The following IQGAP3 variants were observed in gnomAD, a reference collection of about 807,000 sequenced individuals.
IQGAP3 encodes the protein IQ motif containing GTPase activating protein 3, also known as ras GTPase-activating-like protein IQGAP3.
A neutral mutation model predicts 208.2 loss-of-function variants in IQGAP3; 165 were observed. That is an observed-to-expected ratio of 0.79 (90% CI 0.70 to 0.90). The LOEUF is 0.90. IQGAP3 is among the 40% of genes least tolerant of loss of function. The pLI is 0.00. For synonymous variants in IQGAP3, 703 were observed against 803.6 expected (o/e 0.87, Z 2.12); for missense variants, 1,811 against 2,043.1 (o/e 0.89, Z 2.19).
intron 1 of IQGAP3, among the ~76,000 whole-genome samples, chr1:156,569,767 C>G (rs1230966380): frequency 1.3e-5 from 2 of 152,100 alleles, no homozygotes; most frequent in Non-Finnish European, 2.9e-5. Flanking sequence ...GATCCGCCCG[C>G]CTTGGCCTCC....
chr1:156,533,557 T>C (rs1674526593), intron 31 of IQGAP3, among the ~76,000 whole-genome samples: 1 of 152,172 alleles, frequency 6.6e-6, no homozygotes, highest in Admixed American at 6.5e-5. Context: ...ATTGACCGTT[T>C]TCCATGATGA....
chr1:156,541,517 G>C lies in IQGAP3; in HGVS notation c.2531-601C>G, dbSNP rs561213253. ...AAGAAGCCTCTGAGCTAATTTATTG[G>C]AAATAACAACAAAACAACTAATACA... On this transcript the variant is annotated intron_variant, in intron 22 of 37. Coordinates refer to ENST00000361170, the MANE Select transcript of IQGAP3 (RefSeq NM_178229.5). Among the ~76,000 whole-genome samples, 4 of 152,244 alleles carry C rather than the reference G, an allele frequency of 2.6e-5. No homozygotes were observed. In the South Asian group the frequency reaches 8.3e-4, roughly 32 times the overall value.
chr1:156,565,738 G>A (rs1676372388), intron 4 of IQGAP3, among the ~76,000 whole-genome samples: 1 of 152,162 alleles, frequency 6.6e-6, no homozygotes, highest in Non-Finnish European at 1.5e-5. Flanking sequence ...TGGAGACAAG[G>A]CTGGCCAATA....
intron 27 of IQGAP3, among the ~76,000 whole-genome samples, chr1:156,535,499 A>G (rs1244233067): frequency 6.6e-6 from 1 of 151,000 alleles, no homozygotes; most frequent in Non-Finnish European, 1.5e-5. Flanking sequence ...TAAATCTCTC[A>G]CACAGCCTCC....
intron 1 of IQGAP3, 142 bp downstream of exon 1, chr1:156,572,351 G>T (rs1676683109): frequency 2.2e-6 from 2 of 896,586 alleles, no homozygotes; most frequent in African/African-American, 3.3e-5. Context: ...CCGGGCTGAG[G>T]ATTCCCGTCC....
rs765599451 is a variant in IQGAP3, at chr1:156,533,904, C to T, written c.3874-29G>A. The T allele has an allele frequency of 1.6e-5, 25 of 1,603,660 alleles. No homozygotes were observed. In the South Asian group the frequency reaches 2.8e-4, roughly 18 times the overall value. On this transcript the variant is annotated intron_variant, in intron 30 of 37. Transcript: ENST00000361170. ...CAGGACGGAGAAAGAAAAGGAGATGCAGGGTCTGAGCCAGGTCTTCCCTCT... is the reference window on the plus strand; with the variant it reads ...CAGGACGGAGAAAGAAAAGGAGATGTAGGGTCTGAGCCAGGTCTTCCCTCT...
chr1:156,548,375 G>A lies in IQGAP3; in HGVS notation c.2106C>T (p.Thr702=). Reference sequence around the variant, plus strand: ...GGATCTCCTCCCGGGTCAGGTGAGAGGTGTTGAGGGGGCAGCCAGGAGGTT... The same window carrying A: ...GGATCTCCTCCCGGGTCAGGTGAGAAGTGTTGAGGGGGCAGCCAGGAGGTT... ...WEQPPGCPLN[T]SHLTREEIQS... is the part of the protein sequence containing the mutation. Residue 702 remains threonine (T), a synonymous_variant, in exon 18 of 38, where the codon ACC becomes ACT. Transcript: ENST00000361170. 1.2e-6 allele frequency: 2 copies of A among 1,613,988 alleles called. No homozygotes were observed. Among genetic ancestry groups the A allele is most frequent in the Non-Finnish European group, 1.7e-6 (2 of 1,180,008 alleles).
chr1:156,533,287 C>T lies in IQGAP3; in HGVS notation c.3977-181G>A, dbSNP rs571228212. On this transcript the variant is annotated intron_variant, in intron 31 of 37. Coordinates refer to ENST00000361170, the MANE Select transcript of IQGAP3 (RefSeq NM_178229.5). ...ACCCTGTGTCCCCAACCCTTAGCAC[C>T]GATGGAAGGGCTGTTACCCACAGAG... Among the ~76,000 whole-genome samples the T allele has an allele frequency of 5.9e-5, 9 of 152,230 alleles. No homozygotes were observed. The South Asian group carries it at 1.2e-3, about 21-fold the overall frequency.
intron 34 of IQGAP3, 44 bp downstream of exon 34, chr1:156,530,061 C>T (rs1359428643): frequency 1.8e-5 from 26 of 1,458,414 alleles, no homozygotes; most frequent in African/African-American, 4.2e-5. Flanking sequence ...CGCACACACA[C>T]ACACGTACAC....
At position 156,566,570 on chromosome 1, in the gene IQGAP3, C is replaced by T. The variant is rs775551856; in HGVS notation, c.126-24G>A. 39 of 1,611,836 alleles carry T rather than the reference C, an allele frequency of 2.4e-5. No homozygotes were observed. The Admixed American group carries it at 4.2e-4, about 17-fold the overall frequency. ...AGCTATGAACATGAGAACACCTTCT[C>T]ACGCACTCTGGCAGACCACAGTGAT... On this transcript the variant is annotated intron_variant, in intron 2 of 37. Coordinates refer to ENST00000361170, the MANE Select transcript of IQGAP3 (RefSeq NM_178229.5).
rs1674941697 is a variant in IQGAP3 at position 156,540,807 on chromosome 1, C to T, written c.2640G>A (p.Glu880=). 6.2e-7 allele frequency: 1 copy of T among 1,614,116 alleles called. No individual in the cohort carries two copies. Among genetic ancestry groups the T allele is most frequent in the Non-Finnish European group, 8.5e-7 (1 of 1,180,030 alleles). ...GATTGGATCGGATCTTCCTAACTAC[C>T]TCTTCCTGGAGCTTCAGCAGCTCTG... ...AEAELLKLQE[E]VVRKIRSNQQ... The change falls in exon 23 of 38, where the codon GAG becomes GAA. Residue 880 remains glutamate, a synonymous_variant. Transcript: ENST00000361170.
intron 19 of IQGAP3, among the ~76,000 whole-genome samples, chr1:156,547,414 C>CACACACACACACAG (rs1675309659): frequency 6.6e-6 from 1 of 151,678 alleles, no homozygotes; most frequent in African/African-American, 2.4e-5. Context: ...CACACACACA[C>CACACACACACACAG]ACACACACAC....
In IQGAP3 at chr1:156,534,734, C is replaced by T; in HGVS notation, c.3508-1G>A. ...GGTAGTACAGGAGGTTCCCGACCAC[C>T]TGAGGGCAAAGGAGACTCTCCCAGA... On this transcript the variant is annotated splice_acceptor_variant, in intron 28 of 37. Coordinates refer to ENST00000361170, the MANE Select transcript of IQGAP3 (RefSeq NM_178229.5). LOFTEE classifies it high-confidence loss of function. 1 of 1,541,370 alleles carries T rather than the reference C, an allele frequency of 6.5e-7. No individual in the cohort carries two copies.
At chr1:156,530,710 T>C (rs529401247) in intron 33 of IQGAP3, among the ~76,000 whole-genome samples, 2 of 152,298 alleles carry the variant, frequency 1.3e-5, no homozygotes, top group South Asian at 2.1e-4. Flanking sequence ...TTTTGGGACA[T>C]ACCTCTACTG....
chr1:156,547,420 CACACAG>C (rs1468643652), intron 19 of IQGAP3, among the ~76,000 whole-genome samples: 7 of 147,620 alleles, frequency 4.7e-5, no homozygotes, highest in African/African-American at 1.3e-4. Context: ...CACACACACA[CACACAG>C]ACACACACAC....
At chr1:156,556,431 G>C in intron 12 of IQGAP3, 102 bp downstream of exon 12, 1 of 1,102,708 alleles carries the variant, frequency 9.1e-7, no homozygotes, top group Non-Finnish European at 1.3e-6. Flanking sequence ...TCTCGTGCCA[G>C]CATCTCATAT....
chr1:156,543,029 T>A (rs774697842), intron 22 of IQGAP3, among the ~76,000 whole-genome samples: 6 of 150,202 alleles, frequency 4.0e-5, no homozygotes, highest in Non-Finnish European at 7.4e-5. Context: ...ATGGTAGAGC[T>A]CTGAGTAAAG....
chr1:156,542,137 G>C (rs1675016459), intron 22 of IQGAP3, among the ~76,000 whole-genome samples: 2 of 152,332 alleles, frequency 1.3e-5, no homozygotes, highest in South Asian at 4.1e-4. Context: ...TGAGTGACAT[G>C]ATCACATGTA....
At chr1:156,534,987 A>T (rs116583131) in intron 28 of IQGAP3, among the ~76,000 whole-genome samples, 176 bp downstream of exon 28, 1 of 152,216 alleles carries the variant, frequency 6.6e-6, no homozygotes, top group African/African-American at 2.4e-5. Context: ...AGCATGAGCC[A>T]TCTGCCACCT....
Sources: allele counts gnomAD v4.1 joint callset (sites outside exome capture counted in the v4.1 genomes callset), GRCh38; gene constraint gnomAD v4.1.1; transcripts MANE v1.5; gene names NCBI Gene and HGNC (gene_info 2026-07-23, HGNC 2026-07-21).